ANKRD11: variants seen among roughly 807,000 people sequenced by gnomAD.
ANKRD11 encodes ankyrin repeat domain 11.
A neutral mutation model predicts 195.7 loss-of-function variants in ANKRD11; 17 were observed. The ratio of observed to expected loss-of-function variants is 0.09; its 90% CI spans 0.06 to 0.13. The LOEUF is 0.13. Ranked by LOEUF, ANKRD11 falls within the 10% of genes least tolerant of loss-of-function variation. The pLI, the probability that ANKRD11 is intolerant of heterozygous loss-of-function variation, is 1.00. For missense variants in ANKRD11, 3,735 were observed against 3,566.1 expected, an observed-to-expected ratio of 1.05 and a Z score of -1.21; for synonymous variants, 1,953 against 1,528.1, an observed-to-expected ratio of 1.28 and a Z score of -6.49.
intron 2 of ANKRD11, among the ~76,000 whole-genome samples, chr16:89,399,932 C>G (rs1424130499): frequency 6.6e-6 from 1 of 152,184 alleles, no homozygotes; most frequent in Non-Finnish European, 1.5e-5. Flanking sequence ...GACCAAGAAG[C>G]AGAGTAAGCC....
chr16:89,328,231 T>G (rs2037838435), intron 2 of ANKRD11, among the ~76,000 whole-genome samples: 1 of 152,160 alleles, frequency 6.6e-6, no homozygotes, highest in Admixed American at 6.5e-5. Flanking sequence ...AAGCTGGAAC[T>G]CTCTCGCTTG....
At chr16:89,426,868 T>G (rs2042739135) in intron 1 of ANKRD11, among the ~76,000 whole-genome samples, 1 of 152,206 alleles carries the variant, frequency 6.6e-6, no homozygotes, top group African/African-American at 2.4e-5. Context: ...CAACAATCGC[T>G]TAGTTATTTG....
intron 2 of ANKRD11, among the ~76,000 whole-genome samples, chr16:89,392,211 G>T (rs552742768): frequency 5.3e-5 from 8 of 152,302 alleles, no homozygotes; most frequent in South Asian, 4.1e-4. Context: ...TACTCTCGTG[G>T]CAAAACTGCA....
chr16:89,294,476 A>G (rs993565417), intron 4 of ANKRD11, among the ~76,000 whole-genome samples: 10 of 152,178 alleles, frequency 6.6e-5, no homozygotes, highest in Admixed American at 1.3e-4. Flanking sequence ...ACGAGCATCT[A>G]CAACGCCCAC....
chr16:89,280,761 C>T lies in ANKRD11; in HGVS notation c.5781G>A (p.Glu1927=). Residue 1927 remains glutamate (E), a synonymous_variant, in exon 9 of 13, where the codon GAG becomes GAA. Transcript: ENST00000301030. ...QQATAAIIPP[E]PSYLEPLDEG... is the part of the protein sequence containing the mutation. ...CGTCCAGCGGCTCCAGGTAGCTGGG[C>T]TCCGGGGGGATGATGGCGGCCGTCG... 6.2e-7 allele frequency: 1 copy of T among 1,612,796 alleles called. No individual in the cohort carries two copies. Among genetic ancestry groups the T allele is most frequent in the Non-Finnish European group, 8.5e-7 (1 of 1,179,350 alleles).
At chr16:89,402,870 C>T (rs1445437681) in intron 2 of ANKRD11, among the ~76,000 whole-genome samples, 3 of 151,890 alleles carry the variant, frequency 2.0e-5, no homozygotes, top group African/African-American at 7.2e-5. Flanking sequence ...TGCAGACCCT[C>T]CAGGCTCTCC....
At chr16:89,414,388 C>G (rs932367987) in intron 2 of ANKRD11, among the ~76,000 whole-genome samples, 1 of 152,298 alleles carries the variant, frequency 6.6e-6, no homozygotes, top group Middle Eastern at 3.4e-3. Context: ...CGGCCACACT[C>G]ACTGGGAACC....
intron 4 of ANKRD11, chr16:89,298,861 C>G (rs905194593): frequency 1.3e-5 from 2 of 152,254 alleles, no homozygotes. Flanking sequence ...AGACCAATCA[C>G]GCGGAGTTCT....
intron 2 of ANKRD11, among the ~76,000 whole-genome samples, chr16:89,322,140 A>C (rs2037363860): frequency 6.6e-6 from 1 of 152,210 alleles, no homozygotes; most frequent in Non-Finnish European, 1.5e-5. Context: ...CAAATTTTCA[A>C]CTGCACAGGA....
intron 1 of ANKRD11, among the ~76,000 whole-genome samples, chr16:89,423,298 G>A (rs1001097906): frequency 5.3e-5 from 8 of 152,214 alleles, no homozygotes; most frequent in African/African-American, 1.7e-4. Flanking sequence ...AGCCACTGAC[G>A]ATGGGCATCT....
At chr16:89,380,141 C>A (rs558749668) in intron 2 of ANKRD11, among the ~76,000 whole-genome samples, 1 of 152,078 alleles carries the variant, frequency 6.6e-6, no homozygotes, top group South Asian at 2.1e-4. Context: ...GAGACAGAGT[C>A]TCATTCTGTC....
intron 12 of ANKRD11, among the ~76,000 whole-genome samples, chr16:89,268,916 G>C (rs1464797830): frequency 1.3e-5 from 2 of 152,216 alleles, no homozygotes; most frequent in Non-Finnish European, 2.9e-5. Context: ...ACCCTGGCCC[G>C]GGGGCCCTGC....
At chr16:89,353,342 CAA>C (rs906588650) in intron 2 of ANKRD11, among the ~76,000 whole-genome samples, 11 of 142,034 alleles carry the variant, frequency 7.7e-5, no homozygotes, top group African/African-American at 2.6e-4. Context: ...ACTCCAACTC[CAA>C]AAAAAAAGAG....
intron 1 of ANKRD11, among the ~76,000 whole-genome samples, chr16:89,422,879 CT>C (rs1238935237): frequency 6.6e-6 from 1 of 152,134 alleles, no homozygotes; most frequent in Non-Finnish European, 1.5e-5. Context: ...TCACTTTTTT[CT>C]TTTTTTCTTT....
In ANKRD11 at chr16:89,282,463, C is replaced by G. The variant is rs1567570519; in HGVS notation, c.4079G>C (p.Ser1360Thr). The change falls in exon 9 of 13, where the codon AGC (serine) becomes ACC (threonine). Residue 1360 changes from serine to threonine, a missense_variant. Physicochemically the swap from Ser to Thr is moderately conservative, Grantham distance 58. Coordinates refer to ENST00000301030, the MANE Select transcript of ANKRD11 (RefSeq NM_013275.6). ...HRHSSSSSKK[S>T]HDRERAKKEK... ...TTTCTTGGCTCGCTCTCGGTCGTGGCTCTTCTTGGATGAAGATGAGGAGTG... is the reference window on the plus strand; with the variant it reads ...TTTCTTGGCTCGCTCTCGGTCGTGGGTCTTCTTGGATGAAGATGAGGAGTG... 1.2e-6 allele frequency: 2 copies of G among 1,614,120 alleles called. No homozygotes were observed. The highest frequency in any genetic ancestry group is 1.7e-6 in the Non-Finnish European group (2 of 1,180,028).
intron 1 of ANKRD11, among the ~76,000 whole-genome samples, chr16:89,462,960 GC>G (rs1231067862): frequency 1.3e-5 from 2 of 150,288 alleles, no homozygotes; most frequent in Non-Finnish European, 3.0e-5. Flanking sequence ...GGGGGGGTCA[GC>G]CCCCCCGCCA....
chr16:89,461,066 T>G (rs1323998004), intron 1 of ANKRD11, among the ~76,000 whole-genome samples: 1 of 140,188 alleles, frequency 7.1e-6, no homozygotes, highest in Admixed American at 7.5e-5. Context: ...GAGACGCACC[T>G]TGAGTGGTGA....
At chr16:89,270,209 G>C in intron 12 of ANKRD11, 1 of 176,470 alleles carries the variant, frequency 5.7e-6, no homozygotes, top group Non-Finnish European at 1.2e-5. Flanking sequence ...GAGAGCTGCA[G>C]TATGACACAC....
chr16:89,341,805 C>T (rs966011096), intron 2 of ANKRD11, among the ~76,000 whole-genome samples: 1 of 151,734 alleles, frequency 6.6e-6, no homozygotes, highest in African/African-American at 2.4e-5. Context: ...GAGTCTGGCA[C>T]GGATGGACCA....
Sources: gnomAD v4.1 joint callset for allele counts (sites outside exome capture counted in the v4.1 genomes callset) on GRCh38, gnomAD v4.1.1 for gene constraint, MANE v1.5 for transcripts, NCBI Gene and HGNC (gene_info 2026-07-23, HGNC 2026-07-21) for gene names.